TTBK2: variants seen among roughly 807,000 people sequenced by gnomAD.
The protein encoded by TTBK2 is tau tubulin kinase 2, also known as tau-tubulin kinase 2.
In TTBK2, 28 loss-of-function variants were observed where a neutral mutation model predicts 110.8. The observed-to-expected ratio is 0.25, with a 90% confidence interval of 0.19 to 0.35. The LOEUF is 0.35. TTBK2 is among the 10% of genes least tolerant of loss of function. TTBK2 has a pLI of 1.00. For missense variants in TTBK2, 1,369 were observed against 1,500.3 expected, an observed-to-expected ratio of 0.91 and a Z score of 1.45; for synonymous variants, 532 against 527.3, an observed-to-expected ratio of 1.01 and a Z score of -0.12.
intron 3 of TTBK2, among the ~76,000 whole-genome samples, chr15:42,845,995 C>G (rs993874073): frequency 3.9e-5 from 6 of 152,004 alleles, no homozygotes; most frequent in African/African-American, 1.4e-4. Context: ...ATAGGACCAC[C>G]GTCTGTCACT....
At chr15:42,758,993 G>C (rs1297353775) in intron 13 of TTBK2, among the ~76,000 whole-genome samples, 1 of 152,174 alleles carries the variant, frequency 6.6e-6, no homozygotes, top group Non-Finnish European at 1.5e-5. Context: ...GCCACCCTAA[G>C]GCCAGAGCCA....
chr15:42,829,040 A>T (rs779275056), intron 5 of TTBK2, among the ~76,000 whole-genome samples: 14 of 152,212 alleles, frequency 9.2e-5, no homozygotes, highest in Non-Finnish European at 1.8e-4. Flanking sequence ...TTCTCAAATA[A>T]TGATGCATAG....
intron 7 of TTBK2, 143 bp from the exon 8 acceptor site, chr15:42,811,923 T>A: frequency 2.0e-6 from 1 of 489,248 alleles, no homozygotes; most frequent in Non-Finnish European, 3.4e-6. Context: ...TAAACATATA[T>A]ATATATATAA....
At chr15:42,869,225 T>C (rs548827369) in intron 3 of TTBK2, among the ~76,000 whole-genome samples, 12 of 152,118 alleles carry the variant, frequency 7.9e-5, no homozygotes, top group African/African-American at 2.6e-4. Context: ...GTAGCTGAGA[T>C]GACAGGCGCA....
At chr15:42,779,073 C>G (rs559343174) in intron 11 of TTBK2, among the ~76,000 whole-genome samples, 4 of 152,328 alleles carry the variant, frequency 2.6e-5, no homozygotes, top group African/African-American at 9.6e-5. Context: ...AGTTTCTGAA[C>G]ACCAGTGACT....
At chr15:42,773,776 A>G (rs1336196799) in intron 13 of TTBK2, among the ~76,000 whole-genome samples, 3 of 152,030 alleles carry the variant, frequency 2.0e-5, no homozygotes, top group Non-Finnish European at 4.4e-5. Flanking sequence ...GGATGAATGG[A>G]AAGAGGAAAG....
intron 11 of TTBK2, among the ~76,000 whole-genome samples, chr15:42,783,082 C>T (rs1890247439): frequency 6.6e-6 from 1 of 152,152 alleles, no homozygotes; most frequent in Admixed American, 6.5e-5. Flanking sequence ...GCAAATGACT[C>T]CCATGACTGA....
intron 1 of TTBK2, among the ~76,000 whole-genome samples, chr15:42,900,085 C>T (rs959783432): frequency 2.0e-5 from 3 of 151,604 alleles, no homozygotes; most frequent in African/African-American, 7.3e-5. Flanking sequence ...CTCCACCGCC[C>T]GGGTTCAAGC....
intron 3 of TTBK2, among the ~76,000 whole-genome samples, chr15:42,870,374 G>C (rs536102605): frequency 6.6e-6 from 1 of 152,120 alleles, no homozygotes; most frequent in Non-Finnish European, 1.5e-5. Flanking sequence ...GAAAATACTA[G>C]TAATGAGAGT....
At chr15:42,774,571 G>A (rs1889818233) in intron 13 of TTBK2, among the ~76,000 whole-genome samples, 1 of 152,110 alleles carries the variant, frequency 6.6e-6, no homozygotes, top group South Asian at 2.1e-4. Context: ...TCCTGAGCAC[G>A]CTCTTCCCCA....
chr15:42,762,868 A>T (rs982999504), intron 13 of TTBK2, among the ~76,000 whole-genome samples: 14 of 151,954 alleles, frequency 9.2e-5, no homozygotes, highest in African/African-American at 3.4e-4. Context: ...AGGCAAAGAA[A>T]GACAAATACC....
At chr15:42,863,032 T>G (rs1012548643) in intron 3 of TTBK2, among the ~76,000 whole-genome samples, 2 of 152,144 alleles carry the variant, frequency 1.3e-5, no homozygotes, top group Non-Finnish European at 2.9e-5. Context: ...CTCTTACCAC[T>G]CCTACTCAAC....
intron 3 of TTBK2, among the ~76,000 whole-genome samples, chr15:42,856,572 A>G (rs551900965): frequency 6.6e-6 from 1 of 152,304 alleles, no homozygotes; most frequent in African/African-American, 2.4e-5. Context: ...AATAACGGTT[A>G]ATTTTGTTAG....
intron 5 of TTBK2, among the ~76,000 whole-genome samples, chr15:42,828,370 G>T (rs1041474185): frequency 8.8e-5 from 13 of 147,278 alleles, no homozygotes; most frequent in African/African-American, 3.0e-4. Flanking sequence ...TAAAATAGGA[G>T]AAATCAGAGA....
Position 42,752,761 on chromosome 15 carries a change from G to C in TTBK2, c.2485C>G (p.Gln829Glu), listed in dbSNP as rs2140598130. 6.2e-7 allele frequency: 1 copy of C among 1,614,158 alleles called. No homozygotes were observed. Among genetic ancestry groups the C allele is most frequent in the Non-Finnish European group, 8.5e-7 (1 of 1,180,022 alleles). Residue 829 changes from glutamine to glutamate, a missense_variant, in exon 14 of 15, where the codon CAG becomes GAG. This residue lies in a region of TTBK2 where 1,097 missense variants were observed against 1,114.7 expected (regional missense o/e 0.98). Coordinates refer to ENST00000267890, the MANE Select transcript of TTBK2 (RefSeq NM_173500.4). The stretch of plus-strand genomic sequence containing the variant: ...TGATTTGGCACCACACTAAAAGTCT[G>C]TGTTTTTGTCACATCAAGAGGTTCA... ...TTEPLDVTKTQTFSVVPNQDK... is the reference protein window; with the variant it reads ...TTEPLDVTKTETFSVVPNQDK...
intron 13 of TTBK2, among the ~76,000 whole-genome samples, chr15:42,759,678 G>T (rs2061996596): frequency 6.6e-6 from 1 of 152,142 alleles, no homozygotes; most frequent in South Asian, 2.1e-4. Context: ...TACAGCTGAA[G>T]AAATTGCATG....
intron 3 of TTBK2, among the ~76,000 whole-genome samples, chr15:42,853,258 C>T (rs1275987572): frequency 1.3e-5 from 2 of 151,266 alleles, no homozygotes; most frequent in South Asian, 2.1e-4. Flanking sequence ...ACCAGTATTT[C>T]AGGGTAAAAA....
chr15:42,872,444 TA>T lies in TTBK2; in HGVS notation c.217+166del, dbSNP rs202056698. 9.1e-4 allele frequency among the ~76,000 whole-genome samples: 139 copies of T among 152,344 alleles called. 3 individuals are homozygous for T. In the East Asian group the frequency reaches 0.021, roughly 23 times the overall value. On this transcript the variant is annotated intron_variant, in intron 3 of 14. Coordinates refer to ENST00000267890, the MANE Select transcript of TTBK2 (RefSeq NM_173500.4). ...AGTAATTACATACTTCTACTACTAC[TA>T]ACTCATTATAAAATTTCCAAGAGAA...
chr15:42,849,013 A>T (rs1479314352), intron 3 of TTBK2, among the ~76,000 whole-genome samples: 1 of 152,180 alleles, frequency 6.6e-6, no homozygotes, highest in Non-Finnish European at 1.5e-5. Context: ...AAACAGGAAC[A>T]GTTTTATTTC....
Sources: allele counts gnomAD v4.1 joint callset (sites outside exome capture counted in the v4.1 genomes callset), GRCh38; gene constraint gnomAD v4.1.1; regional missense constraint gnomAD v4.1.1; transcripts MANE v1.5; gene names NCBI Gene and HGNC (gene_info 2026-07-23, HGNC 2026-07-21).